Variants in RASSF3 observed in about 807,000 individuals in gnomAD.
RASSF3 encodes the protein Ras association domain family member 3, also known as ras association domain-containing protein 3.
Under a neutral mutation model 19.9 loss-of-function variants are expected in RASSF3, and 19 were observed. The observed-to-expected ratio is 0.96, with a 90% CI of 0.67 to 1.40. The LOEUF (loss-of-function observed/expected upper bound fraction) is 1.40, where lower values mean the gene tolerates loss of function less well. RASSF3 is among the 40% of genes most tolerant of loss of function. The probability of loss-of-function intolerance (pLI) is 0.00; values close to 1 mark genes in which losing one functional copy is unlikely to be tolerated. For missense variants in RASSF3, 306 were observed against 289.8 expected, an observed-to-expected ratio of 1.06 and a Z score of -0.41; for synonymous variants, 110 against 104.2, an observed-to-expected ratio of 1.06 and a Z score of -0.34.
At chr12:64,542,570 C>G (rs1343136372), downstream of RASSF3, among the ~76,000 whole-genome samples, 2 of 152,204 alleles carry the variant, frequency 1.3e-5, no homozygotes, top group African/African-American at 2.4e-5. Flanking sequence ...CCTCTCCTGA[C>G]ACATCAAGGT....
chr12:64,528,383 T>C (rs1461756164), upstream of RASSF3, among the ~76,000 whole-genome samples: 1 of 152,216 alleles, frequency 6.6e-6, no homozygotes, highest in East Asian at 1.9e-4. Context: ...ATTGATCTCA[T>C]CCAACTTCAG....
chr12:64,579,574 A>G (rs770839441), intron 2 of RASSF3, among the ~76,000 whole-genome samples: 22 of 152,066 alleles, frequency 1.4e-4, no homozygotes, highest in Non-Finnish European at 2.6e-4. Flanking sequence ...GATGGTCTCA[A>G]TCTCCTGACC....
At chr12:64,524,744 C>T (rs778594628) in intron 1 of RASSF3, among the ~76,000 whole-genome samples, 4 of 152,154 alleles carry the variant, frequency 2.6e-5, no homozygotes, top group Non-Finnish European at 5.9e-5. Context: ...TCTGCAGCAA[C>T]TGCATTATTA....
chr12:64,685,458 T>G (rs186497189), intron 2 of RASSF3, among the ~76,000 whole-genome samples: 1 of 152,214 alleles, frequency 6.6e-6, no homozygotes, highest in East Asian at 1.9e-4. Context: ...TCACCCAGGC[T>G]CATCTCAAAT....
chr12:64,602,844 G>T (rs562487778), intron 2 of RASSF3, among the ~76,000 whole-genome samples: 1 of 152,192 alleles, frequency 6.6e-6, no homozygotes, highest in Non-Finnish European at 1.5e-5. Flanking sequence ...GCTCACGCCT[G>T]TAATCCCAGC....
intron 1 of RASSF3, among the ~76,000 whole-genome samples, chr12:64,647,670 C>T (rs1871787706): frequency 6.6e-6 from 1 of 151,982 alleles, no homozygotes; most frequent in African/African-American, 2.4e-5. Context: ...CTCGGCCTCC[C>T]AAAGTGCTGG....
At position 64,540,020 on chromosome 12, in the gene RASSF3, C is replaced by T. The variant is rs148700185; in HGVS notation, c.68-1561C>T. On this transcript the variant is annotated intron_variant, in intron 1 of 1. Coordinates refer to the RASSF3 transcript ENST00000636333. ...TCTTTTTATCTCGATGGCTTACATA[C>T]GTATCTTCAGAGAACTGAGTTCAGA... 5.6e-3 allele frequency among the ~76,000 whole-genome samples: 851 copies of T among 152,224 alleles called. 9 individuals are homozygous for T. The highest frequency in any genetic ancestry group is 0.019 in the African/African-American group (801 of 41,550).
At chr12:64,691,404 A>C in intron 3 of RASSF3, 66 bp from the exon 4 acceptor site, 1 of 1,068,890 alleles carries the variant, frequency 9.4e-7, no homozygotes, top group Non-Finnish European at 1.4e-6. Context: ...GGAGGGGATC[A>C]CAATGGGGAA....
chr12:64,522,626 G>A (rs1055793331), intron 1 of RASSF3, among the ~76,000 whole-genome samples: 1 of 152,126 alleles, frequency 6.6e-6, no homozygotes, highest in East Asian at 1.9e-4. Flanking sequence ...TTTTTACTAA[G>A]AGGATTGAGA....
chr12:64,524,258 A>T (rs1246192629), intron 1 of RASSF3, among the ~76,000 whole-genome samples: 2 of 145,342 alleles, frequency 1.4e-5, no homozygotes, highest in Non-Finnish European at 3.0e-5. Context: ...TTATTTATTT[A>T]TTTATTTTTG....
At chr12:64,556,323 T>G (rs751103661) in intron 2 of RASSF3, among the ~76,000 whole-genome samples, 3 of 151,950 alleles carry the variant, frequency 2.0e-5, no homozygotes, top group Non-Finnish European at 4.4e-5. Context: ...CCAGCTAATT[T>G]TTTGGTATTT....
chr12:64,538,651 A>C (rs756410215), intron 1 of RASSF3, among the ~76,000 whole-genome samples: 1 of 124,374 alleles, frequency 8.0e-6, no homozygotes, highest in Admixed American at 7.8e-5. Context: ...GAAAACACAC[A>C]AAAAAAAACA....
At position 64,511,192 on chromosome 12, in the gene RASSF3, C is replaced by A. The variant is rs575922310; in HGVS notation, c.169+3863C>A. Among the ~76,000 whole-genome samples, 224 of 152,318 alleles carry A rather than the reference C, an allele frequency of 1.5e-3. 1 individual carries two copies. The highest frequency in any genetic ancestry group is 5.2e-3 in the African/African-American group (218 of 41,566). ...ATGTCCTTCATCTGCAGAAACAGGA[C>A]TGGCATTGTTAATTGTCATAATATC... On this transcript the variant is annotated intron_variant, in intron 1 of 5. Coordinates refer to the RASSF3 transcript ENST00000637125.
rs1171453314 is a variant in RASSF3 at position 64,610,754 on chromosome 12, C to G, written c.111+11C>G. ...CGCTCCGGCCAACAAGTGAGTGGCG[C>G]GCGGCGGGCGCTGCAGCCCGCGCCC... On this transcript the variant is annotated intron_variant, in intron 1 of 4. Transcript: ENST00000542104. 5 of 1,558,806 alleles carry G rather than the reference C, an allele frequency of 3.2e-6. No individual in the cohort carries two copies. In the South Asian group the frequency reaches 4.6e-5, roughly 14 times the overall value.
intron 1 of RASSF3, among the ~76,000 whole-genome samples, chr12:64,661,441 C>T (rs1214238351): frequency 6.6e-6 from 1 of 151,810 alleles, no homozygotes; most frequent in Non-Finnish European, 1.5e-5. Context: ...GCTGTGATTG[C>T]CACTGCACTC....
Position 64,610,575 on chromosome 12 carries a change from C to G in RASSF3, c.-58C>G. 1 of 994,874 alleles carries G rather than the reference C, an allele frequency of 1.0e-6. No individual in the cohort carries two copies. The highest frequency in any genetic ancestry group is 1.3e-6 in the Non-Finnish European group (1 of 744,184). 61.6% of individuals were successfully genotyped at this position (994,874 alleles called of 1,614,324 possible). A position where few individuals can be genotyped will look rare whatever the true frequency, so the allele number is the denominator to read the frequency against. ...CTCGCGGGGCTGGCGGGCGCCGCAC[C>G]CCCTCCCTGGCCGCCTGCGCCCCGG... is the stretch of plus-strand genomic sequence containing the variant. On this transcript the variant is annotated 5_prime_UTR_variant, in exon 1 of 5. Coordinates refer to ENST00000542104, the MANE Select transcript of RASSF3 (RefSeq NM_178169.4).
Position 64,689,791 on chromosome 12 carries a change from C to CTTTTTTTTTTTTTTTTTTTTTTT in RASSF3, c.457+1351_457+1352insTTTTTTTTTTTTTTTTTTTTTTT, listed in dbSNP as rs762822586. Among the ~76,000 whole-genome samples the CTTTTTTTTTTTTTTTTTTTTTTT allele has an allele frequency of 2.4e-4, 23 of 96,554 alleles. 3 individuals are homozygous for CTTTTTTTTTTTTTTTTTTTTTTT. Among genetic ancestry groups the CTTTTTTTTTTTTTTTTTTTTTTT allele is most frequent in the Non-Finnish European group, 2.6e-4 (13 of 49,916 alleles). The allele number at this position is 96,554 out of a possible 152,430, so 63.3% of individuals were successfully genotyped here. ...GTTTGTAGCTGCTAATTCGCTAATT[C>CTTTTTTTTTTTTTTTTTTTTTTT]TTTTTTTTTTTTTGAGACGGAGTCT... is the stretch of plus-strand genomic sequence containing the variant. On this transcript the variant is annotated intron_variant, in intron 3 of 4. Coordinates refer to ENST00000542104, the MANE Select transcript of RASSF3 (RefSeq NM_178169.4).
chr12:64,644,226 G>A (rs150083082), intron 1 of RASSF3, among the ~76,000 whole-genome samples: 6 of 152,236 alleles, frequency 3.9e-5, no homozygotes, highest in Non-Finnish European at 7.4e-5. Context: ...AATATCCTAT[G>A]CCTAACCTGT....
chr12:64,648,248 G>T (rs1871809407), intron 1 of RASSF3, among the ~76,000 whole-genome samples: 1 of 152,230 alleles, frequency 6.6e-6, no homozygotes, highest in South Asian at 2.1e-4. Flanking sequence ...GTCAGGCCTT[G>T]TGGCCTTTTG....
Sources: gnomAD v4.1 joint callset for allele counts (sites outside exome capture counted in the v4.1 genomes callset) on GRCh38, gnomAD v4.1.1 for gene constraint, MANE v1.5 for transcripts, NCBI Gene and HGNC (gene_info 2026-07-23, HGNC 2026-07-21) for gene names.